PCCB: variants seen among roughly 807,000 people sequenced by gnomAD.
The protein encoded by PCCB is propionyl-CoA carboxylase subunit beta.
PCCB carries 43 observed loss-of-function variants against 60.7 expected under a neutral mutation model. That is an observed-to-expected ratio of 0.71 (90% CI 0.55 to 0.91). The LOEUF (loss-of-function observed/expected upper bound fraction) is 0.91, where lower values mean the gene tolerates loss of function less well. PCCB is among the 40% of genes least tolerant of loss of function. PCCB has a pLI of 0.00. For missense variants in PCCB, 766 were observed against 702.8 expected (o/e 1.09, Z -1.02); for synonymous variants, 276 against 255.9 (o/e 1.08, Z -0.75).
intron 5 of PCCB, among the ~76,000 whole-genome samples, chr3:136,268,373 A>T (rs1942094325): frequency 6.6e-6 from 1 of 150,510 alleles, no homozygotes; most frequent in Non-Finnish European, 1.5e-5. Flanking sequence ...CAGTTCTTCC[A>T]TTGTTCTATG....
intron 6 of PCCB, among the ~76,000 whole-genome samples, chr3:136,290,911 T>C (rs960343348): frequency 1.3e-5 from 2 of 152,032 alleles, no homozygotes; most frequent in Non-Finnish European, 2.9e-5. Flanking sequence ...CATTTTTTTC[T>C]CTTCGCTTTT....
At chr3:136,323,282 A>C (rs1935173564) in intron 10 of PCCB, among the ~76,000 whole-genome samples, 1 of 151,782 alleles carries the variant, frequency 6.6e-6, no homozygotes, top group South Asian at 2.1e-4. Context: ...TGCTCATTTA[A>C]TTTTTTTATT....
intron 12 of PCCB, 36 bp downstream of exon 12, chr3:136,327,291 A>G: frequency 6.6e-7 from 1 of 1,506,484 alleles, no homozygotes; most frequent in Non-Finnish European, 9.2e-7. Context: ...GACCCTGCTC[A>G]CTTTCCTACA....
intron 5 of PCCB, among the ~76,000 whole-genome samples, chr3:136,262,433 A>G (rs1270854652): frequency 6.6e-6 from 1 of 152,172 alleles, no homozygotes; most frequent in East Asian, 1.9e-4. Context: ...CACCTTTTTT[A>G]TTTTTTAGTT....
At chr3:136,260,119 G>T (rs1941780157) in intron 3 of PCCB, 2 of 379,858 alleles carry the variant, frequency 5.3e-6, no homozygotes, top group Non-Finnish European at 1.0e-5. Context: ...TGTTGCATAG[G>T]CTGGAATACA....
At chr3:136,269,932 TC>T (rs1466081348) in intron 5 of PCCB, among the ~76,000 whole-genome samples, 1 of 149,942 alleles carries the variant, frequency 6.7e-6, no homozygotes, top group Non-Finnish European at 1.5e-5. Context: ...CTTGTCTTGT[TC>T]CTAATCTTAA....
intron 9 of PCCB, among the ~76,000 whole-genome samples, chr3:136,306,580 T>C (rs1934456145): frequency 8.1e-6 from 1 of 123,018 alleles, no homozygotes. Context: ...CTAGCTTTAG[T>C]CATCCTACAC....
chr3:136,318,999 C>T (rs1935012877), intron 10 of PCCB, among the ~76,000 whole-genome samples: 3 of 152,168 alleles, frequency 2.0e-5, no homozygotes, highest in Admixed American at 1.3e-4. Flanking sequence ...ATACTGTTTT[C>T]TACAGTGTCT....
At chr3:136,278,217 C>T (rs142767650) in intron 5 of PCCB, among the ~76,000 whole-genome samples, 735 of 152,242 alleles carry the variant, frequency 4.8e-3, no homozygotes, top group Admixed American at 7.7e-3. Context: ...TAAGGCCTTC[C>T]CCCATGGCCT....
At chr3:136,324,903 A>AT (rs917269825) in intron 10 of PCCB, among the ~76,000 whole-genome samples, 4 of 152,082 alleles carry the variant, frequency 2.6e-5, no homozygotes, top group Admixed American at 6.5e-5. Context: ...ATTTTCTTTT[A>AT]TTTTTTTGAG....
chr3:136,283,627 C>T (rs1014934635), intron 5 of PCCB, among the ~76,000 whole-genome samples: 3 of 152,070 alleles, frequency 2.0e-5, no homozygotes, highest in Non-Finnish European at 4.4e-5. Flanking sequence ...ATACTTGCCT[C>T]AGAAAGTAAT....
chr3:136,291,485 GA>G (rs1030776541), intron 6 of PCCB, among the ~76,000 whole-genome samples: 6 of 152,184 alleles, frequency 3.9e-5, no homozygotes, highest in African/African-American at 1.4e-4. Flanking sequence ...AGCTGGGGAA[GA>G]GGAAGTGTTC....
At chr3:136,292,390 G>T (rs1933735362) in intron 6 of PCCB, among the ~76,000 whole-genome samples, 2 of 152,108 alleles carry the variant, frequency 1.3e-5, no homozygotes, top group Non-Finnish European at 2.9e-5. Flanking sequence ...GCATATGATA[G>T]ACTAAGGACT....
chr3:136,266,012 A>C (rs1941973012), intron 5 of PCCB, among the ~76,000 whole-genome samples: 1 of 151,446 alleles, frequency 6.6e-6, no homozygotes, highest in African/African-American at 2.4e-5. Context: ...TTTTTAGTAG[A>C]GACTGGGTTT....
At chr3:136,283,793 A>G (rs1942541204) in intron 5 of PCCB, 44 bp from the exon 6 acceptor site, 1 of 1,337,594 alleles carries the variant, frequency 7.5e-7, no homozygotes, top group Non-Finnish European at 1.1e-6. Context: ...ATAATGCCTC[A>G]AACATCTCTG....
chr3:136,296,678 A>C (rs917355523), intron 7 of PCCB, among the ~76,000 whole-genome samples: 1 of 152,238 alleles, frequency 6.6e-6, no homozygotes, highest in African/African-American at 2.4e-5. Flanking sequence ...CTCTCTTCCA[A>C]AGTGGCTGTA....
chr3:136,274,548 T>C (rs1942292267), intron 5 of PCCB, among the ~76,000 whole-genome samples: 1 of 152,202 alleles, frequency 6.6e-6, no homozygotes, highest in African/African-American at 2.4e-5. Context: ...CTCATAGCTC[T>C]TAGGATTCTT....
chr3:136,273,929 A>G (rs2108167734), intron 5 of PCCB, among the ~76,000 whole-genome samples: 1 of 150,472 alleles, frequency 6.6e-6, no homozygotes, highest in South Asian at 2.1e-4. Flanking sequence ...AAAAAAAAAA[A>G]AAAAAAAGAA....
At chr3:136,257,171 A>G (rs1941693677) in intron 3 of PCCB, among the ~76,000 whole-genome samples, 1 of 152,216 alleles carries the variant, frequency 6.6e-6, no homozygotes, top group East Asian at 1.9e-4. Context: ...TGCAATAGGG[A>G]GAGTAGCCTG....
Sources: allele counts gnomAD v4.1 joint callset (sites outside exome capture counted in the v4.1 genomes callset), GRCh38; gene constraint gnomAD v4.1.1; transcripts MANE v1.5; gene names NCBI Gene and HGNC (gene_info 2026-07-23, HGNC 2026-07-21).